PDE10A: variants seen among roughly 807,000 people sequenced by gnomAD.
PDE10A encodes the protein cAMP and cAMP-inhibited cGMP 3',5'-cyclic phosphodiesterase 10A.
A neutral mutation model predicts 97.7 loss-of-function variants in PDE10A; 39 were observed. The ratio of observed to expected loss-of-function variants is 0.40; its 90% CI spans 0.31 to 0.52. The LOEUF (loss-of-function observed/expected upper bound fraction) is 0.52. PDE10A is among the 20% of genes least tolerant of loss of function. The pLI is 0.56. For missense variants in PDE10A, 731 were observed against 1,047.8 expected (o/e 0.70, Z 4.17); for synonymous variants, 371 against 376.8 (o/e 0.98, Z 0.18).
At chr6:165,765,312 G>A (rs2128458778) in intron 1 of PDE10A, among the ~76,000 whole-genome samples, 1 of 152,374 alleles carries the variant, frequency 6.6e-6, no homozygotes, top group South Asian at 2.1e-4. Flanking sequence ...GGTGATCGAT[G>A]GGACTGGGCG....
At chr6:165,847,742 G>C (rs1281443266) in intron 1 of PDE10A, among the ~76,000 whole-genome samples, 1 of 152,158 alleles carries the variant, frequency 6.6e-6, no homozygotes, top group Non-Finnish European at 1.5e-5. Flanking sequence ...TTTTGTTTTT[G>C]GCAACAGTTA....
At chr6:165,984,500 C>T (rs1465984315) in intron 1 of PDE10A, among the ~76,000 whole-genome samples, 1 of 152,180 alleles carries the variant, frequency 6.6e-6, no homozygotes, top group Non-Finnish European at 1.5e-5. Flanking sequence ...GGTTTCAGTT[C>T]CCATAGACTT....
intron 1 of PDE10A, among the ~76,000 whole-genome samples, chr6:165,569,058 T>G (rs975106305): frequency 6.6e-6 from 1 of 152,214 alleles, no homozygotes; most frequent in African/African-American, 2.4e-5. Flanking sequence ...AATGTAAGAA[T>G]GTAAAATATT....
intron 1 of PDE10A, among the ~76,000 whole-genome samples, chr6:165,654,167 G>A (rs148270655): frequency 1.8e-4 from 28 of 152,128 alleles, no homozygotes; most frequent in East Asian, 1.5e-3. Context: ...CCCTTTCTCC[G>A]ATCCCCCCTG....
At chr6:165,709,243 C>A (rs1791818844) in intron 1 of PDE10A, among the ~76,000 whole-genome samples, 1 of 135,680 alleles carries the variant, frequency 7.4e-6, no homozygotes, top group African/African-American at 2.8e-5. Flanking sequence ...CTCCCGTGCT[C>A]TCTCCCCACT....
At chr6:165,744,889 TA>T (rs1200079058) in intron 1 of PDE10A, among the ~76,000 whole-genome samples, 1 of 152,080 alleles carries the variant, frequency 6.6e-6, no homozygotes, top group East Asian at 1.9e-4. Context: ...TTATGTTTGA[TA>T]AGCTTCCAGT....
intron 1 of PDE10A, among the ~76,000 whole-genome samples, chr6:165,959,391 G>A (rs981542047): frequency 6.6e-6 from 1 of 152,156 alleles, no homozygotes; most frequent in African/African-American, 2.4e-5. Context: ...TTGCACTAAT[G>A]CTTTTGTGAA....
intron 2 of PDE10A, among the ~76,000 whole-genome samples, chr6:165,515,041 A>G (rs996043769): frequency 2.3e-4 from 35 of 152,104 alleles, no homozygotes; most frequent in African/African-American, 8.5e-4. Flanking sequence ...TAGTTCACTG[A>G]CCTCTGGGCT....
At chr6:165,714,262 G>A (rs535780002) in intron 1 of PDE10A, among the ~76,000 whole-genome samples, 1 of 152,180 alleles carries the variant, frequency 6.6e-6, no homozygotes, top group Admixed American at 6.5e-5. Context: ...CCCTTGACCC[G>A]ATGGGAGCCT....
At chr6:165,656,756 C>T (rs1789990471) in intron 1 of PDE10A, among the ~76,000 whole-genome samples, 1 of 152,212 alleles carries the variant, frequency 6.6e-6, no homozygotes, top group South Asian at 2.1e-4. Context: ...CCTCTTCACA[C>T]CTTGTGAAAC....
chr6:165,374,556 A>T (rs1784488953), intron 18 of PDE10A, among the ~76,000 whole-genome samples: 1 of 152,244 alleles, frequency 6.6e-6, no homozygotes, highest in East Asian at 1.9e-4. Flanking sequence ...AACATAAAAA[A>T]ATCTTCAATA....
chr6:165,800,921 C>T (rs1332242061), intron 1 of PDE10A, among the ~76,000 whole-genome samples: 1 of 152,144 alleles, frequency 6.6e-6, no homozygotes, highest in Non-Finnish European at 1.5e-5. Flanking sequence ...AGTTGAAATT[C>T]CTCTCGAAAC....
chr6:165,889,550 G>C (rs1781718454), intron 1 of PDE10A, among the ~76,000 whole-genome samples: 1 of 152,156 alleles, frequency 6.6e-6, no homozygotes, highest in South Asian at 2.1e-4. Flanking sequence ...TGCCGTCATT[G>C]AGGGGATATG....
At chr6:165,513,411 A>T (rs987146652) in intron 2 of PDE10A, among the ~76,000 whole-genome samples, 1 of 152,120 alleles carries the variant, frequency 6.6e-6, no homozygotes, top group African/African-American at 2.4e-5. Flanking sequence ...TCTCTGCAGC[A>T]GTACAAAATA....
chr6:165,381,800 G>T (rs1338383971), intron 17 of PDE10A, among the ~76,000 whole-genome samples: 1 of 151,946 alleles, frequency 6.6e-6, no homozygotes, highest in East Asian at 1.9e-4. Context: ...TTTACTTTAA[G>T]AGAATCTAGC....
At chr6:165,867,643 C>T (rs1211560578) in intron 1 of PDE10A, among the ~76,000 whole-genome samples, 1 of 151,992 alleles carries the variant, frequency 6.6e-6, no homozygotes, top group Non-Finnish European at 1.5e-5. Flanking sequence ...AATAAAGAAA[C>T]ATCAAACTTA....
chr6:165,505,121 T>C (rs1781116736), intron 2 of PDE10A, among the ~76,000 whole-genome samples: 1 of 152,226 alleles, frequency 6.6e-6, no homozygotes, highest in Non-Finnish European at 1.5e-5. Context: ...CGAGTCCTTC[T>C]AATGATTTTG....
intron 1 of PDE10A, among the ~76,000 whole-genome samples, chr6:165,937,063 G>C (rs1783354688): frequency 6.6e-6 from 1 of 152,196 alleles, no homozygotes; most frequent in Non-Finnish European, 1.5e-5. Context: ...TAGTTCAGGG[G>C]TGACCATGAC....
intron 1 of PDE10A, among the ~76,000 whole-genome samples, chr6:165,850,723 A>G (rs1231052757): frequency 1.3e-5 from 2 of 152,206 alleles, no homozygotes; most frequent in Non-Finnish European, 2.9e-5. Flanking sequence ...CTCTTTTCAT[A>G]AAGACTCCCC....
Sources: gnomAD v4.1 joint callset for allele counts (sites outside exome capture counted in the v4.1 genomes callset) on GRCh38, gnomAD v4.1.1 for gene constraint, MANE v1.5 for transcripts, NCBI Gene and HGNC (gene_info 2026-07-23, HGNC 2026-07-21) for gene names.